ABCF2: variants seen among roughly 807,000 people sequenced by gnomAD.
The protein encoded by ABCF2 is ATP-binding cassette sub-family F member 2.
Under a neutral mutation model 76.9 loss-of-function variants are expected in ABCF2, and 37 were observed. The ratio of observed to expected loss-of-function variants is 0.48; its 90% CI spans 0.37 to 0.63. ABCF2 has a LOEUF of 0.63. Among genes scored for constraint, ABCF2 ranks in the 30% least tolerant of loss-of-function variants. ABCF2 has a pLI of 0.00. For synonymous variants in ABCF2, 299 were observed against 283.7 expected (o/e 1.05, Z -0.54); for missense variants, 524 against 782.1 (o/e 0.67, Z 3.94).
At chr7:151,224,182 C>T in intron 3 of ABCF2, 68 bp from the exon 4 acceptor site, 1 of 1,511,678 alleles carries the variant, frequency 6.6e-7, no homozygotes, top group East Asian at 2.3e-5. Context: ...ACTAGTTCTT[C>T]CACCCCAGTC....
chr7:151,212,171 G>C lies in ABCF2; in HGVS notation c.*1883C>G. The C allele has an allele frequency of 1.0e-6, 1 of 985,450 alleles. No individual in the cohort carries two copies. 61.0% of individuals were successfully genotyped at this position (985,450 alleles called of 1,614,324 possible). ...CTCCCGCCAGTCCTGGCTGTATTAT[G>C]AGTACTGAAAAATCATGGCTGTGTC... is the stretch of plus-strand genomic sequence containing the variant. On this transcript the variant is annotated 3_prime_UTR_variant, in exon 15 of 15. Transcript: ENST00000287844.
chr7:151,222,412 C>T (rs1303631406), intron 6 of ABCF2, 109 bp downstream of exon 6: 1 of 859,012 alleles, frequency 1.2e-6, no homozygotes, highest in Non-Finnish European at 1.9e-6. Context: ...TCTGTCCTTC[C>T]TTCAGTTCCT....
Position 151,213,411 on chromosome 7 carries a change from GAC to G in ABCF2, c.*641_*642del. 1 of 985,400 alleles carries G rather than the reference GAC, an allele frequency of 1.0e-6. No individual in the cohort carries two copies. The highest frequency in any genetic ancestry group is 1.2e-6 in the Non-Finnish European group (1 of 829,956). The allele number at this position is 985,400 out of a possible 1,614,324, so 61.0% of individuals were successfully genotyped here. A position where few individuals can be genotyped will look rare whatever the true frequency, so the allele number is the denominator to read the frequency against. On this transcript the variant is annotated 3_prime_UTR_variant, in exon 15 of 15. Coordinates refer to ENST00000287844, the MANE Select transcript of ABCF2 (RefSeq NM_007189.3). ...TATGGACTAGTCTTCAGTTCCCATC[GAC>G]ACACTGACGCTGGATCCAGCTCCTG...
intron 6 of ABCF2, 78 bp downstream of exon 6, chr7:151,222,443 G>A: frequency 8.4e-7 from 1 of 1,191,520 alleles, no homozygotes; most frequent in Non-Finnish European, 1.2e-6. Context: ...TCTAACATCA[G>A]TGCAGTTTCT....
rs530271527 is a variant in ABCF2, at chr7:151,218,494, C to T, written c.1227+67G>A. ...AGGTGTGGTCAGCACAGAACAGGAGCAACTCCCATGAGCTGCCACTCACCC... is the reference window on the plus strand; with the variant it reads ...AGGTGTGGTCAGCACAGAACAGGAGTAACTCCCATGAGCTGCCACTCACCC... On this transcript the variant is annotated intron_variant, in intron 10 of 14. Transcript: ENST00000287844. 3.3e-4 allele frequency: 462 copies of T among 1,389,000 alleles called. 6 individuals carry two copies. In the South Asian group the frequency reaches 5.1e-3, roughly 15 times the overall value. The allele number at this position is 1,389,000 out of a possible 1,614,324, so 86.0% of individuals were successfully genotyped here.
At position 151,226,286 on chromosome 7, in the gene ABCF2, C is replaced by G. The variant is rs756853892; in HGVS notation, c.154+19G>C. ...TAAGTCTTAGCAACCATCCCCAACT[C>G]ACCCCTCCCTCAATTCACCTGTGGT... On this transcript the variant is annotated intron_variant, in intron 2 of 14. Transcript: ENST00000287844. The G allele has an allele frequency of 1.1e-5, 18 of 1,610,634 alleles. No homozygotes were observed. The highest frequency in any genetic ancestry group is 1.5e-5 in the Non-Finnish European group (18 of 1,177,972).
Position 151,223,697 on chromosome 7 carries a change from T to A in ABCF2, c.703A>T (p.Met235Leu). The A allele has an allele frequency of 1.2e-6, 2 of 1,604,036 alleles. No individual in the cohort carries two copies. Among genetic ancestry groups the A allele is most frequent in the Non-Finnish European group, 1.7e-6 (2 of 1,173,008 alleles). Reference sequence around the variant, plus strand: ...ACTCACCTGGCAAGGGCAACCCTCATCCTCCAGCCCCCACTGAAGTCTTTT... The same window carrying A: ...ACTCACCTGGCAAGGGCAACCCTCAACCTCCAGCCCCCACTGAAGTCTTTT... ...KLKDFSGGWR[M>L]RVALARALFI... The change falls in exon 5 of 15, where the codon ATG becomes TTG. Residue 235 changes from methionine (M) to leucine (L), a missense_variant. Transcript: ENST00000287844.
chr7:151,211,616 T>C lies in ABCF2; in HGVS notation c.*2438A>G. On this transcript the variant is annotated 3_prime_UTR_variant, in exon 15 of 15. Transcript: ENST00000287844. ...GTTCTGAAGATCTCCTGTCCTAGTA[T>C]GGAGACTCTGGAGATCCCGAGACTA... The C allele has an allele frequency of 3.0e-6, 3 of 985,332 alleles. No homozygotes were observed. The South Asian group carries it at 1.4e-4, about 46-fold the overall frequency. 61.0% of individuals were successfully genotyped at this position (985,332 alleles called of 1,614,324 possible).
chr7:151,221,820 T>A, intron 6 of ABCF2, 140 bp from the exon 7 acceptor site: 1 of 665,268 alleles, frequency 1.5e-6, no homozygotes, highest in South Asian at 1.7e-5. Flanking sequence ...AGCAAGCACC[T>A]AAGCCACGAC....
intron 11 of ABCF2, among the ~76,000 whole-genome samples, chr7:151,217,254 G>A (rs12536244): frequency 0.1 from 15,905 of 152,114 alleles, 907 homozygotes; most frequent in African/African-American, 0.14. Context: ...TCACACACCC[G>A]CACTCATTCA....
chr7:151,211,670 C>T lies in ABCF2; in HGVS notation c.*2384G>A. 1 of 985,406 alleles carries T rather than the reference C, an allele frequency of 1.0e-6. No individual in the cohort carries two copies. The highest frequency in any genetic ancestry group is 1.7e-5 in the African/African-American group (1 of 57,338). 61.0% of individuals were successfully genotyped at this position (985,406 alleles called of 1,614,324 possible). A position where few individuals can be genotyped will look rare whatever the true frequency, so the allele number is the denominator to read the frequency against. ...GAATTCTTAGCAATATCCAGCACTT[C>T]CTTAAGTATCAAGGGCTCTGTCCCT... is the stretch of plus-strand genomic sequence containing the variant. On this transcript the variant is annotated 3_prime_UTR_variant, in exon 15 of 15. Coordinates refer to ENST00000287844, the MANE Select transcript of ABCF2 (RefSeq NM_007189.3).
At position 151,222,587 on chromosome 7, in the gene ABCF2, A is replaced by G; in HGVS notation, c.752T>C (p.Leu251Pro). The change falls in exon 6 of 15, where the codon CTC becomes CCC. Residue 251 changes from leucine (L) to proline (P), a missense_variant. Leu to Pro is a moderately conservative substitution (Grantham distance 98, BLOSUM62 -3). This residue lies in a region of ABCF2 where 330 missense variants were observed against 433.6 expected (regional missense o/e 0.76). Transcript: ENST00000287844. Reference protein sequence around the residue: ...RALFIRPFMLLLDEPTNHLDL... With the variant: ...RALFIRPFMLPLDEPTNHLDL... ...CAGGTGGTTGGTAGGCTCATCCAGG[A>G]GCAGCATGAAGGGCCGAATAAAGAG... 1 of 1,613,840 alleles carries G rather than the reference A, an allele frequency of 6.2e-7. No individual in the cohort carries two copies. Among genetic ancestry groups the G allele is most frequent in the Non-Finnish European group, 8.5e-7 (1 of 1,179,860 alleles).
chr7:151,217,985 G>A (rs1122979), intron 11 of ABCF2, 96 bp downstream of exon 11: 90,050 of 884,042 alleles, frequency 0.1, 5,284 homozygotes, highest in Non-Finnish European at 0.12. Context: ...GGGTACTCAG[G>A]CCCTCCCAAA....
rs558361074 is a variant in ABCF2, at chr7:151,215,369, G to A, written c.1530+235C>T. On this transcript the variant is annotated intron_variant, in intron 13 of 14. Coordinates refer to ENST00000287844, the MANE Select transcript of ABCF2 (RefSeq NM_007189.3). The surrounding 1 kb of genome is among the most constrained non-coding windows in gnomAD (Gnocchi z 4.6). The stretch of plus-strand genomic sequence containing the variant: ...AGATTACAAGTTCCTTTGCCCTCAA[G>A]CACTATGGCACAAGGGCATGTCAGA... Among the ~76,000 whole-genome samples the A allele has an allele frequency of 1.3e-5, 2 of 152,286 alleles. No individual in the cohort carries two copies. The highest frequency in any genetic ancestry group is 1.3e-4 in the Admixed American group (2 of 15,304).
chr7:151,227,197 C>A lies in ABCF2; in HGVS notation c.-77G>T, dbSNP rs550392993. The stretch of plus-strand genomic sequence containing the variant: ...CTGCTCGGCCTATGTCGCAACAGAG[C>A]TGCTCCTTAGGATCCTCCGCGTGCG... On this transcript the variant is annotated 5_prime_UTR_variant, in exon 1 of 15. Coordinates refer to ENST00000287844, the MANE Select transcript of ABCF2 (RefSeq NM_007189.3). 2 of 152,450 alleles carry A rather than the reference C, an allele frequency of 1.3e-5. No homozygotes were observed. Among genetic ancestry groups the A allele is most frequent in the African/African-American group, 4.8e-5 (2 of 41,564 alleles). The allele number at this position is 152,450 out of a possible 1,614,324, so 9.4% of individuals were successfully genotyped here.
chr7:151,224,184 AC>A, intron 3 of ABCF2, 70 bp from the exon 4 acceptor site: 11 of 1,467,038 alleles, frequency 7.5e-6, no homozygotes, highest in Non-Finnish European at 1.0e-5. Context: ...TAGTTCTTCC[AC>A]CCCAGTCAAA....
In ABCF2 at chr7:151,213,519, C is replaced by G; in HGVS notation, c.*535G>C. On this transcript the variant is annotated 3_prime_UTR_variant, in exon 15 of 15. Coordinates refer to ENST00000287844, the MANE Select transcript of ABCF2 (RefSeq NM_007189.3). ...AGGAAGGTAGGGACCGTGGCTTCCT[C>G]TTTCTTTATTGGGCGCTTTGTAGAT... 1 of 985,918 alleles carries G rather than the reference C, an allele frequency of 1.0e-6. No individual in the cohort carries two copies. Among genetic ancestry groups the G allele is most frequent in the Non-Finnish European group, 1.2e-6 (1 of 830,368 alleles). 61.1% of individuals were successfully genotyped at this position (985,918 alleles called of 1,614,324 possible).
intron 7 of ABCF2, among the ~76,000 whole-genome samples, chr7:151,221,312 G>A (rs987917626): frequency 6.6e-6 from 1 of 151,384 alleles, no homozygotes; most frequent in Non-Finnish European, 1.5e-5. Context: ...TGATTCTCCT[G>A]CCTCAGCTTC....
rs1802067308 is a variant in ABCF2, at chr7:151,212,519, A to G, written c.*1535T>C. ...CAATCTGAATTTTTTTATTTTTTTG[A>G]GACAGTGTCTCGGTCTGTCATCAGG... On this transcript the variant is annotated 3_prime_UTR_variant, in exon 15 of 15. Transcript: ENST00000287844. 5.1e-6 allele frequency: 5 copies of G among 984,254 alleles called. No individual in the cohort carries two copies. In the South Asian group the frequency reaches 1.4e-4, roughly 28 times the overall value. The allele number at this position is 984,254 out of a possible 1,614,324, so 61.0% of individuals were successfully genotyped here.
Sources: allele counts gnomAD v4.1 joint callset (sites outside exome capture counted in the v4.1 genomes callset), GRCh38; gene constraint gnomAD v4.1.1; regional missense constraint gnomAD v4.1.1; non-coding constraint Gnocchi (gnomAD v3.1); transcripts MANE v1.5; gene names NCBI Gene and HGNC (gene_info 2026-07-23, HGNC 2026-07-21).